Variants in DEUP1 observed in about 807,000 individuals in gnomAD.
DEUP1 encodes coiled-coil domain containing 67.
DEUP1 carries 82 observed loss-of-function variants against 87.4 expected under a neutral mutation model. The observed-to-expected ratio is 0.94, with a 90% CI of 0.78 to 1.13. The LOEUF is 1.13. Ranked by LOEUF, DEUP1 falls within the 50% of genes most tolerant of loss-of-function variation. The probability of loss-of-function intolerance (pLI) is 0.00; values close to 1 mark genes in which losing one functional copy is unlikely to be tolerated. For synonymous variants in DEUP1, 214 were observed against 222.7 expected (o/e 0.96, Z 0.35); for missense variants, 663 against 681.5 (o/e 0.97, Z 0.30).
chr11:93,418,017 T>C (rs1030710607), intron 13 of DEUP1, among the ~76,000 whole-genome samples: 278 of 151,998 alleles, frequency 1.8e-3, no homozygotes, highest in Non-Finnish European at 1.5e-3. Flanking sequence ...TTATACCTTA[T>C]ACAAAAATCA....
intron 4 of DEUP1, among the ~76,000 whole-genome samples, chr11:93,360,733 C>T (rs1272135104): frequency 6.6e-6 from 1 of 151,692 alleles, no homozygotes. Context: ...TAGAAATTAT[C>T]CAATCTGAAC....
At chr11:93,372,513 C>T (rs1392880925) in intron 7 of DEUP1, among the ~76,000 whole-genome samples, 1 of 152,128 alleles carries the variant, frequency 6.6e-6, no homozygotes, top group Non-Finnish European at 1.5e-5. Flanking sequence ...CTCCTCATTC[C>T]CCCACCGTGC....
chr11:93,418,223 C>A (rs1366251855), intron 13 of DEUP1, among the ~76,000 whole-genome samples: 1 of 152,090 alleles, frequency 6.6e-6, no homozygotes, highest in Non-Finnish European at 1.5e-5. Flanking sequence ...GCAAAAGAAA[C>A]TACCATCAGA....
intron 12 of DEUP1, 102 bp from the exon 13 acceptor site, chr11:93,414,898 T>C: frequency 3.7e-6 from 2 of 543,154 alleles, no homozygotes; most frequent in Non-Finnish European, 6.3e-6. Flanking sequence ...CATTTTGTTG[T>C]GCTTTCCCCC....
At chr11:93,338,225 G>A (rs1263383886) in intron 2 of DEUP1, among the ~76,000 whole-genome samples, 1 of 151,828 alleles carries the variant, frequency 6.6e-6, no homozygotes, top group East Asian at 1.9e-4. Flanking sequence ...TAGAAAAGCT[G>A]GCAAGAGAAG....
intron 4 of DEUP1, among the ~76,000 whole-genome samples, chr11:93,360,972 C>G (rs1945149778): frequency 6.9e-6 from 1 of 144,426 alleles, no homozygotes; most frequent in Non-Finnish European, 1.5e-5. Flanking sequence ...CAGGATAAAT[C>G]AAAAGACAGC....
intron 11 of DEUP1, 119 bp from the exon 12 acceptor site, chr11:93,408,112 C>T: frequency 1.5e-6 from 1 of 683,442 alleles, no homozygotes; most frequent in South Asian, 2.2e-5. Flanking sequence ...AGCAAGAGTA[C>T]AGCCACATCA....
chr11:93,429,083 A>T (rs1445188791), intron 13 of DEUP1, among the ~76,000 whole-genome samples: 1 of 152,062 alleles, frequency 6.6e-6, no homozygotes, highest in Non-Finnish European at 1.5e-5. Context: ...CTTTATTATT[A>T]TTGATTTATG....
At chr11:93,436,299 G>A (rs1205670814) in intron 13 of DEUP1, among the ~76,000 whole-genome samples, 2 of 152,150 alleles carry the variant, frequency 1.3e-5, no homozygotes, top group Admixed American at 6.5e-5. Context: ...CCATGTGATA[G>A]TCTTTGGAAT....
chr11:93,343,773 T>A (rs914962722), intron 2 of DEUP1, among the ~76,000 whole-genome samples: 1 of 152,234 alleles, frequency 6.6e-6, no homozygotes, highest in Non-Finnish European at 1.5e-5. Flanking sequence ...TGTACTTTAT[T>A]TCTATAAATA....
chr11:93,419,875 A>G (rs1017098647), intron 13 of DEUP1, among the ~76,000 whole-genome samples: 5 of 132,730 alleles, frequency 3.8e-5, no homozygotes, highest in South Asian at 4.9e-4. Flanking sequence ...AATAAAATAA[A>G]ATAAAAATTA....
intron 11 of DEUP1, 123 bp from the exon 12 acceptor site, chr11:93,408,108 A>T (rs1947334645): frequency 4.6e-6 from 3 of 656,720 alleles, no homozygotes. Context: ...AGTGAGCAAG[A>T]GTACAGCCAC....
At chr11:93,351,746 G>A (rs1241382527) in intron 2 of DEUP1, among the ~76,000 whole-genome samples, 1 of 152,190 alleles carries the variant, frequency 6.6e-6, no homozygotes, top group Non-Finnish European at 1.5e-5. Context: ...GGAATGCTAG[G>A]AGAAGACTTC....
rs1280080712 is a variant in DEUP1 at position 93,355,363 on chromosome 11, A to G, written c.30-8A>G. ...TTAAAATGTATTTTACTTTCCTACA[A>G]TTGCCAGAACTTCTCCTTGTGAGGC... On this transcript the variant is annotated splice_region_variant and splice_polypyrimidine_tract_variant and intron_variant, in intron 2 of 13. Transcript: ENST00000298050. The G allele has an allele frequency of 2.5e-6, 4 of 1,610,744 alleles. No homozygotes were observed. Among genetic ancestry groups the G allele is most frequent in the East Asian group, 2.2e-5 (1 of 44,806 alleles).
At chr11:93,354,522 T>C (rs1944784811) in intron 2 of DEUP1, among the ~76,000 whole-genome samples, 1 of 152,206 alleles carries the variant, frequency 6.6e-6, no homozygotes, top group Non-Finnish European at 1.5e-5. Flanking sequence ...TAGTCTGTTT[T>C]CACACTGCTA....
chr11:93,389,228 C>T (rs1334560689), intron 9 of DEUP1, 103 bp downstream of exon 9: 1 of 699,146 alleles, frequency 1.4e-6, no homozygotes, highest in African/African-American at 1.9e-5. Context: ...TGTTTTCCTT[C>T]TGTATTTTTT....
At chr11:93,338,563 G>A (rs576335741) in intron 2 of DEUP1, among the ~76,000 whole-genome samples, 1 of 151,766 alleles carries the variant, frequency 6.6e-6, no homozygotes, top group South Asian at 2.1e-4. Flanking sequence ...ACCAAGACTG[G>A]CAATCTTTTT....
chr11:93,371,009 T>G (rs544477881), intron 6 of DEUP1, 29 bp from the exon 7 acceptor site: 1 of 1,578,446 alleles, frequency 6.3e-7, no homozygotes, highest in East Asian at 2.2e-5. Context: ...CATTCTTCAT[T>G]TGAGTTACAC....
intron 13 of DEUP1, among the ~76,000 whole-genome samples, chr11:93,430,284 CTT>C (rs1046197040): frequency 2.6e-5 from 4 of 151,476 alleles, no homozygotes; most frequent in African/African-American, 9.7e-5. Flanking sequence ...CTAAACATGT[CTT>C]TGAATAAGAT....
Sources: gnomAD v4.1 joint callset for allele counts (sites outside exome capture counted in the v4.1 genomes callset) on GRCh38, gnomAD v4.1.1 for gene constraint, MANE v1.5 for transcripts, NCBI Gene and HGNC (gene_info 2026-07-23, HGNC 2026-07-21) for gene names.